Variants in GALNT14 observed in about 807,000 individuals in gnomAD.
GALNT14 encodes the protein UDP-GalNAc:polypeptide N-acetylgalactosaminyltransferase 14.
A neutral mutation model predicts 77.5 loss-of-function variants in GALNT14; 60 were observed. The observed-to-expected ratio is 0.77, with a 90% CI of 0.63 to 0.96. The LOEUF (loss-of-function observed/expected upper bound fraction) is 0.96, where lower values mean the gene tolerates loss of function less well. Ranked by LOEUF, GALNT14 falls within the 40% of genes least tolerant of loss-of-function variation. The pLI is 0.00. For synonymous variants in GALNT14, 280 were observed against 281.7 expected, an observed-to-expected ratio of 0.99 and a Z score of 0.06; for missense variants, 710 against 731.0, an observed-to-expected ratio of 0.97 and a Z score of 0.33.
At chr2:31,030,377 C>T (rs557036072) in intron 1 of GALNT14, among the ~76,000 whole-genome samples, 5 of 152,114 alleles carry the variant, frequency 3.3e-5, no homozygotes, top group Non-Finnish European at 7.4e-5. Flanking sequence ...CTAAACATAC[C>T]ATTCTAGGTA....
At chr2:30,981,517 C>T (rs955425297) in intron 2 of GALNT14, among the ~76,000 whole-genome samples, 1 of 152,010 alleles carries the variant, frequency 6.6e-6, no homozygotes, top group Non-Finnish European at 1.5e-5. Context: ...ACCTGCACTG[C>T]GTGGAGGGCA....
intron 13 of GALNT14, among the ~76,000 whole-genome samples, chr2:30,923,263 C>T (rs1464010712): frequency 1.3e-5 from 2 of 151,978 alleles, no homozygotes; most frequent in Non-Finnish European, 2.9e-5. Context: ...AGGGTTTCAC[C>T]ATGTTTGCCA....
chr2:30,895,279 C>A, the GALNT14 span, among the ~76,000 whole-genome samples: 1 of 152,018 alleles, frequency 6.6e-6, no homozygotes, highest in Non-Finnish European at 1.5e-5. Flanking sequence ...GTGGGGGAAC[C>A]GACACATGGA....
intron 9 of GALNT14, among the ~76,000 whole-genome samples, chr2:30,934,656 G>A (rs916864225): frequency 6.6e-6 from 1 of 152,088 alleles, no homozygotes; most frequent in Non-Finnish European, 1.5e-5. Context: ...CCACAGCCAT[G>A]CACAGGTCCC....
chr2:31,000,759 C>G (rs1670321865), intron 1 of GALNT14, among the ~76,000 whole-genome samples: 1 of 152,078 alleles, frequency 6.6e-6, no homozygotes, highest in South Asian at 2.1e-4. Context: ...TTAGTCTCAT[C>G]CAAAAGACAC....
At chr2:30,959,356 C>G (rs755340422) in intron 3 of GALNT14, among the ~76,000 whole-genome samples, 5 of 152,198 alleles carry the variant, frequency 3.3e-5, no homozygotes, top group Non-Finnish European at 5.9e-5. Context: ...ACCCATTGCT[C>G]TCTTTATTGC....
rs377552970 is a variant in GALNT14, at chr2:31,021,449, C to T, written c.130-28442G>A. On this transcript the variant is annotated intron_variant, in intron 1 of 14. Transcript: ENST00000349752. ...CCTCCCGAGTAGCTGGGATTACAGG[C>T]GCCCACCACGACACCTGGCTAATTT... 2.4e-3 allele frequency among the ~76,000 whole-genome samples: 368 copies of T among 151,952 alleles called. 1 individual carries two copies. The highest frequency in any genetic ancestry group is 7.8e-3 in the African/African-American group (325 of 41,440).
At chr2:30,958,209 A>G (rs1365449103) in intron 4 of GALNT14, among the ~76,000 whole-genome samples, 188 bp downstream of exon 4, 2 of 152,086 alleles carry the variant, frequency 1.3e-5, no homozygotes, top group African/African-American at 4.8e-5. Context: ...AGAACCCGAG[A>G]AATTGTTTTT....
chr2:30,934,938 T>C (rs1665960117), intron 9 of GALNT14, among the ~76,000 whole-genome samples: 1 of 152,222 alleles, frequency 6.6e-6, no homozygotes, highest in Non-Finnish European at 1.5e-5. Context: ...ACATCTCCTA[T>C]GCCCTCAGCA....
chr2:31,058,731 G>A lies in GALNT14; in HGVS notation c.130-65724C>T, dbSNP rs115927623. 5.3e-3 allele frequency among the ~76,000 whole-genome samples: 809 copies of A among 152,152 alleles called. 10 individuals carry two copies. Among genetic ancestry groups the A allele is most frequent in the African/African-American group, 0.019 (785 of 41,532 alleles). On this transcript the variant is annotated intron_variant, in intron 1 of 14. Coordinates refer to ENST00000349752, the MANE Select transcript of GALNT14 (RefSeq NM_024572.4). ...CATGCACAGACCTTTCATACACAAC[G>A]TCCCATGACATCTCCACAACATTAT...
downstream of GALNT14, among the ~76,000 whole-genome samples, chr2:30,908,785 A>G (rs1378756257): frequency 2.8e-5 from 4 of 141,854 alleles, no homozygotes; most frequent in Non-Finnish European, 6.0e-5. Flanking sequence ...AGCTGGAGGC[A>G]TCACGCTACC....
chr2:31,060,821 T>A (rs1368907434), intron 1 of GALNT14, among the ~76,000 whole-genome samples: 1 of 152,150 alleles, frequency 6.6e-6, no homozygotes. Context: ...GCATTGTCCT[T>A]CATCTTGCCA....
At chr2:30,908,122 C>G (rs1437691534), downstream of GALNT14, among the ~76,000 whole-genome samples, 1 of 133,954 alleles carries the variant, frequency 7.5e-6, no homozygotes, top group Non-Finnish European at 1.6e-5. Context: ...TGGGCAAAAA[C>G]TGGAAGCATT....
At chr2:31,057,314 T>A (rs538399457) in intron 1 of GALNT14, among the ~76,000 whole-genome samples, 3 of 141,856 alleles carry the variant, frequency 2.1e-5, no homozygotes, top group South Asian at 4.4e-4. Flanking sequence ...TATATATATA[T>A]ATAAAATTAT....
At position 30,941,679 on chromosome 2, in the gene GALNT14, T is replaced by A. The variant is rs1276878531; in HGVS notation, c.931+522A>T. Reference sequence around the variant, plus strand: ...TCCCTCATCCCTTCCTCTCCCACTATAAGATAAGGGCAAAATATCCCCAGA... The same window carrying A: ...TCCCTCATCCCTTCCTCTCCCACTAAAAGATAAGGGCAAAATATCCCCAGA... On this transcript the variant is annotated intron_variant, in intron 9 of 14. Coordinates refer to ENST00000349752, the MANE Select transcript of GALNT14 (RefSeq NM_024572.4). Among the ~76,000 whole-genome samples, 3 of 152,156 alleles carry A rather than the reference T, an allele frequency of 2.0e-5. No homozygotes were observed. The East Asian group carries it at 5.8e-4, about 29-fold the overall frequency.
chr2:30,940,944 T>C (rs188107679), intron 9 of GALNT14, among the ~76,000 whole-genome samples: 294 of 152,342 alleles, frequency 1.9e-3, no homozygotes, highest in Middle Eastern at 6.8e-3. Flanking sequence ...TGCATTTCTC[T>C]ACACTGCCCA....
At chr2:31,022,475 TC>T (rs1482561868) in intron 1 of GALNT14, among the ~76,000 whole-genome samples, 2 of 152,058 alleles carry the variant, frequency 1.3e-5, no homozygotes, top group Non-Finnish European at 2.9e-5. Flanking sequence ...GGCCTTTTTT[TC>T]CCCCAACACT....
chr2:30,913,220 A>C (rs893229728), intron 13 of GALNT14, among the ~76,000 whole-genome samples: 3 of 152,160 alleles, frequency 2.0e-5, no homozygotes, highest in Admixed American at 1.3e-4. Context: ...TTGTAAAATA[A>C]GGTAATATTT....
intron 1 of GALNT14, among the ~76,000 whole-genome samples, chr2:31,051,758 G>A (rs1445080179): frequency 6.6e-6 from 1 of 152,192 alleles, no homozygotes; most frequent in Non-Finnish European, 1.5e-5. Context: ...TGGGTTCAGG[G>A]ACTGGGACAC....
Sources: gnomAD v4.1 joint callset for allele counts (sites outside exome capture counted in the v4.1 genomes callset) on GRCh38, gnomAD v4.1.1 for gene constraint, MANE v1.5 for transcripts, NCBI Gene and HGNC (gene_info 2026-07-23, HGNC 2026-07-21) for gene names.